CACNA1C: variants seen among roughly 807,000 people sequenced by gnomAD.
CACNA1C encodes calcium voltage-gated channel subunit alpha1 C.
In CACNA1C, 30 loss-of-function variants were observed where a neutral mutation model predicts 229.0. The observed-to-expected ratio is 0.13, with a 90% CI of 0.10 to 0.18. CACNA1C has a LOEUF of 0.18. CACNA1C is among the 10% of genes least tolerant of loss of function. The pLI is 1.00. For synonymous variants in CACNA1C, 1,114 were observed against 1,132.5 expected, an observed-to-expected ratio of 0.98 and a Z score of 0.33; for missense variants, 1,658 against 2,845.0, an observed-to-expected ratio of 0.58 and a Z score of 9.49.
At chr12:2,231,791 A>C (rs2065228506) in intron 3 of CACNA1C, among the ~76,000 whole-genome samples, 1 of 152,116 alleles carries the variant, frequency 6.6e-6, no homozygotes, top group African/African-American at 2.4e-5. Flanking sequence ...GTGCACTAGC[A>C]CTATCTAGAA....
chr12:2,124,602 C>T (rs935890056), intron 3 of CACNA1C, among the ~76,000 whole-genome samples: 8 of 152,106 alleles, frequency 5.3e-5, no homozygotes, highest in African/African-American at 1.9e-4. Flanking sequence ...AGACGGAGGC[C>T]TCACTGTTTG....
At chr12:2,065,847 A>G (rs2059083346) in intron 1 of CACNA1C, among the ~76,000 whole-genome samples, 1 of 152,152 alleles carries the variant, frequency 6.6e-6, no homozygotes, top group Non-Finnish European at 1.5e-5. Context: ...TTGGATTTCA[A>G]AGGAGTAGTG....
intron 1 of CACNA1C, among the ~76,000 whole-genome samples, chr12:2,007,876 C>T (rs570312915): frequency 7.2e-5 from 11 of 152,190 alleles, no homozygotes; most frequent in African/African-American, 2.2e-4. Context: ...CATTCTGTTG[C>T]GATTTTTCTT....
Position 2,493,239 on chromosome 12 carries a change from C to T in CACNA1C, c.966C>T (p.His322=), listed in dbSNP as rs112539787. Residue 322 remains histidine, a synonymous_variant, in exon 7 of 47, where the codon CAC becomes CAT. Transcript: ENST00000399655. This position sits in a 1 kb window ranked among gnomAD's most constrained non-coding sequence, Gnocchi z 4.6. ...CCCCTTGTGCGCTGGAAACGGGCCA[C>T]GGGCGGCAGTGCCAGAACGGCACGG... ...DPSPCALETG[H]GRQCQNGTVC... 2.7e-4 allele frequency: 436 copies of T among 1,614,042 alleles called. 7 individuals carry two copies. The East Asian group carries it at 6.7e-3, about 25-fold the overall frequency.
Position 2,695,328 on chromosome 12 carries a change from T to A in CACNA1C, c.*4129T>A, listed in dbSNP as rs573909361. On this transcript the variant is annotated 3_prime_UTR_variant, in exon 47 of 47. Transcript: ENST00000399655. The stretch of plus-strand genomic sequence containing the variant: ...GATCTATTTGGGAAGGTGAGAAGAG[T>A]ACTCATTCCATCTGGGGGTGTTGTT... 6.6e-6 allele frequency: 1 copy of A among 152,182 alleles called. No homozygotes were observed. The highest frequency in any genetic ancestry group is 6.5e-5 in the Admixed American group (1 of 15,294). The allele number at this position is 152,182 out of a possible 1,614,324, so 9.4% of individuals were successfully genotyped here.
intron 3 of CACNA1C, among the ~76,000 whole-genome samples, chr12:2,380,713 A>C (rs1448658336): frequency 6.6e-6 from 1 of 152,242 alleles, no homozygotes; most frequent in Non-Finnish European, 1.5e-5. Context: ...CAATGTTAGA[A>C]TTAAAGACAC....
At chr12:2,405,150 A>T (rs534406422) in intron 3 of CACNA1C, among the ~76,000 whole-genome samples, 1 of 152,346 alleles carries the variant, frequency 6.6e-6, no homozygotes, top group Non-Finnish European at 1.5e-5. Context: ...TAAATTTTTT[A>T]AAAATTTTAA....
intron 3 of CACNA1C, among the ~76,000 whole-genome samples, chr12:2,318,299 G>A (rs1022272319): frequency 1.3e-5 from 2 of 152,244 alleles, no homozygotes; most frequent in African/African-American, 4.8e-5. Context: ...AGGCCTGACA[G>A]GTGGCAAGTC....
chr12:2,322,114 C>T (rs1367732106), intron 3 of CACNA1C, among the ~76,000 whole-genome samples: 1 of 152,222 alleles, frequency 6.6e-6, no homozygotes, highest in Non-Finnish European at 1.5e-5. Flanking sequence ...TGAGTTGCTT[C>T]ACACTTGTGT....
intron 1 of CACNA1C, among the ~76,000 whole-genome samples, chr12:2,038,393 T>C (rs916819751): frequency 1.1e-4 from 17 of 152,212 alleles, no homozygotes; most frequent in Admixed American, 9.8e-4. Flanking sequence ...AATCCGACTA[T>C]GTAACAGACT....
chr12:2,610,440 C>G lies in CACNA1C; in HGVS notation c.3559-101C>G, dbSNP rs936731472. 2.5e-6 allele frequency: 3 copies of G among 1,207,424 alleles called. No homozygotes were observed. In the African/African-American group the frequency reaches 4.5e-5, roughly 18 times the overall value. The allele number at this position is 1,207,424 out of a possible 1,614,324, so 74.8% of individuals were successfully genotyped here. ...CTCAGACTTCCGGAGAACCCCACCC[C>G]ACAGTGTGTGGTCTCATCACATCCC... On this transcript the variant is annotated intron_variant, in intron 27 of 46. Coordinates refer to ENST00000399655, the MANE Select transcript of CACNA1C (RefSeq NM_000719.7).
At chr12:2,534,575 C>T (rs925185725) in intron 9 of CACNA1C, among the ~76,000 whole-genome samples, 2 of 152,158 alleles carry the variant, frequency 1.3e-5, no homozygotes, top group Non-Finnish European at 2.9e-5. Context: ...TCTTAGAGAT[C>T]TCCTCTCAAC....
intron 5 of CACNA1C, among the ~76,000 whole-genome samples, chr12:2,459,169 G>GTTTTTTTTTTT (rs59909090): frequency 1.8e-5 from 2 of 109,434 alleles, no homozygotes; most frequent in African/African-American, 3.4e-5. Flanking sequence ...TTTTGTGTGT[G>GTTTTTTTTTTT]TTTTTTTTTT....
At chr12:1,975,195 C>T (rs1335670591) in intron 1 of CACNA1C, among the ~76,000 whole-genome samples, 1 of 152,090 alleles carries the variant, frequency 6.6e-6, no homozygotes, top group East Asian at 1.9e-4. Context: ...CCAAAAGACT[C>T]TTTCCAAAAA....
At chr12:2,110,362 G>A (rs745832636) in intron 1 of CACNA1C, among the ~76,000 whole-genome samples, 1 of 152,210 alleles carries the variant, frequency 6.6e-6, no homozygotes, top group African/African-American at 2.4e-5. Flanking sequence ...GCACCTACCT[G>A]TTGGTGTGTG....
intron 3 of CACNA1C, among the ~76,000 whole-genome samples, chr12:2,255,371 G>A (rs899012688): frequency 2.6e-5 from 4 of 152,082 alleles, no homozygotes; most frequent in Middle Eastern, 3.4e-3. Context: ...GGGGTCATTC[G>A]GGGTGTGACA....
chr12:2,635,127 G>A (rs1311778737), intron 30 of CACNA1C, among the ~76,000 whole-genome samples: 4 of 152,030 alleles, frequency 2.6e-5, no homozygotes, highest in East Asian at 1.9e-4. Context: ...GGCCCCATGT[G>A]AGCGCCTCAC....
chr12:2,598,755 A>T (rs1002043888), intron 21 of CACNA1C, among the ~76,000 whole-genome samples: 1 of 152,136 alleles, frequency 6.6e-6, no homozygotes, highest in Non-Finnish European at 1.5e-5. Context: ...TCCAGATACA[A>T]ATTGAATGGG....
At chr12:2,443,402 G>T (rs1404725429) in intron 3 of CACNA1C, among the ~76,000 whole-genome samples, 4 of 152,192 alleles carry the variant, frequency 2.6e-5, no homozygotes, top group Admixed American at 2.0e-4. Flanking sequence ...AAGGCCTTGG[G>T]TATGGCCCAT....
Sources: gnomAD v4.1 joint callset for allele counts (sites outside exome capture counted in the v4.1 genomes callset) on GRCh38, gnomAD v4.1.1 for gene constraint, Gnocchi (gnomAD v3.1) non-coding constraint, MANE v1.5 for transcripts, NCBI Gene and HGNC (gene_info 2026-07-23, HGNC 2026-07-21) for gene names.